CLPB: variants seen among roughly 807,000 people sequenced by gnomAD.
CLPB encodes ClpB family mitochondrial disaggregase, also known as mitochondrial disaggregase.
Under a neutral mutation model 78.4 loss-of-function variants are expected in CLPB, and 40 were observed. The ratio of observed to expected loss-of-function variants is 0.51; its 90% CI spans 0.40 to 0.66. CLPB has a LOEUF of 0.66. CLPB is among the 30% of genes least tolerant of loss of function. CLPB has a pLI of 0.00. For missense variants in CLPB, 780 were observed against 886.9 expected, an observed-to-expected ratio of 0.88 and a Z score of 1.53; for synonymous variants, 333 against 348.0, an observed-to-expected ratio of 0.96 and a Z score of 0.48.
intron 3 of CLPB, among the ~76,000 whole-genome samples, chr11:72,397,437 A>G (rs1855440570): frequency 6.6e-6 from 1 of 152,226 alleles, no homozygotes; most frequent in Admixed American, 6.5e-5. Flanking sequence ...CTTTACCTTT[A>G]TAAGAAACTG....
At chr11:72,385,030 C>T (rs192299549) in intron 3 of CLPB, among the ~76,000 whole-genome samples, 1 of 152,334 alleles carries the variant, frequency 6.6e-6, no homozygotes, top group East Asian at 1.9e-4. Flanking sequence ...TTAAGCTACA[C>T]TTTAGACTAA....
At chr11:72,308,625 T>G in intron 7 of CLPB, 21 bp from the exon 8 acceptor site, 1 of 1,607,656 alleles carries the variant, frequency 6.2e-7, no homozygotes, top group Non-Finnish European at 8.5e-7. Context: ...ACACACAAGA[T>G]CAGGGGACAG....
At chr11:72,432,869 C>T (rs970071230) in intron 1 of CLPB, among the ~76,000 whole-genome samples, 1 of 152,172 alleles carries the variant, frequency 6.6e-6, no homozygotes, top group Non-Finnish European at 1.5e-5. Context: ...CTCCCTACTC[C>T]CCAACTCTTG....
intron 4 of CLPB, among the ~76,000 whole-genome samples, chr11:72,377,250 G>A (rs1234585845): frequency 6.6e-6 from 1 of 152,154 alleles, no homozygotes; most frequent in Admixed American, 6.5e-5. Flanking sequence ...AAATTATCCT[G>A]ACCATGTGCT....
intron 5 of CLPB, among the ~76,000 whole-genome samples, chr11:72,332,301 G>T (rs764642345): frequency 1.6e-4 from 24 of 149,724 alleles, no homozygotes; most frequent in Non-Finnish European, 3.0e-4. Flanking sequence ...TGGCCAACAT[G>T]GTGAAACCCC....
chr11:72,432,967 G>A (rs547557893), intron 1 of CLPB, among the ~76,000 whole-genome samples: 2 of 152,236 alleles, frequency 1.3e-5, no homozygotes, highest in South Asian at 4.1e-4. Context: ...GAACCTGAAT[G>A]GCTGGACTCA....
intron 3 of CLPB, among the ~76,000 whole-genome samples, chr11:72,392,354 T>C (rs758463155): frequency 6.6e-6 from 1 of 151,860 alleles, no homozygotes; most frequent in Non-Finnish European, 1.5e-5. Context: ...GTCAAATGAG[T>C]TGTGGCTCAT....
chr11:72,390,787 G>A (rs1446484039), intron 3 of CLPB, among the ~76,000 whole-genome samples: 2 of 152,186 alleles, frequency 1.3e-5, no homozygotes, highest in East Asian at 3.9e-4. Context: ...CTTACCCTAT[G>A]ACCAAGCACT....
chr11:72,304,884 C>T (rs936695891), intron 9 of CLPB, among the ~76,000 whole-genome samples: 2 of 152,192 alleles, frequency 1.3e-5, no homozygotes, highest in Non-Finnish European at 2.9e-5. Flanking sequence ...ATACATCACT[C>T]TTTGGGTCCC....
At chr11:72,368,505 T>C (rs1179608593) in intron 4 of CLPB, among the ~76,000 whole-genome samples, 1 of 152,216 alleles carries the variant, frequency 6.6e-6, no homozygotes, top group Non-Finnish European at 1.5e-5. Context: ...TTTATTATGC[T>C]TTCTCTTATT....
chr11:72,406,747 A>C (rs1855720671), intron 2 of CLPB, among the ~76,000 whole-genome samples: 1 of 152,192 alleles, frequency 6.6e-6, no homozygotes, highest in South Asian at 2.1e-4. Context: ...AAACATGTGC[A>C]CACACCCACT....
intron 6 of CLPB, among the ~76,000 whole-genome samples, chr11:72,319,728 C>T (rs1438619405): frequency 1.3e-5 from 2 of 152,198 alleles, no homozygotes; most frequent in East Asian, 3.8e-4. Flanking sequence ...TATATAAGTT[C>T]TTAGCAGAGT....
chr11:72,402,868 A>C, intron 3 of CLPB, 98 bp downstream of exon 3: 1 of 932,704 alleles, frequency 1.1e-6, no homozygotes, highest in African/African-American at 1.6e-5. Context: ...CTGCCTCTGG[A>C]AAAGACAGCA....
intron 3 of CLPB, among the ~76,000 whole-genome samples, chr11:72,395,955 T>C (rs1274024250): frequency 6.6e-6 from 1 of 152,190 alleles, no homozygotes; most frequent in Non-Finnish European, 1.5e-5. Flanking sequence ...AGGAAGGCCT[T>C]TAAAACCTCT....
chr11:72,387,740 G>A (rs538070583), intron 3 of CLPB, among the ~76,000 whole-genome samples: 1 of 152,040 alleles, frequency 6.6e-6, no homozygotes, highest in Admixed American at 6.5e-5. Flanking sequence ...AATCTGGGCT[G>A]TGATGGGCAC....
chr11:72,384,080 C>T (rs892124611), intron 3 of CLPB, among the ~76,000 whole-genome samples: 16 of 152,018 alleles, frequency 1.1e-4, no homozygotes, highest in Admixed American at 7.2e-4. Flanking sequence ...CTTGAGCTTG[C>T]GGGGCAGAGA....
At chr11:72,421,577 G>A (rs562112819) in intron 2 of CLPB, among the ~76,000 whole-genome samples, 9 of 152,268 alleles carry the variant, frequency 5.9e-5, no homozygotes, top group African/African-American at 2.2e-4. Context: ...GGAGGCCCCC[G>A]AGGAAACTGA....
At chr11:72,309,725 A>C (rs1021339760) in intron 7 of CLPB, among the ~76,000 whole-genome samples, 4 of 152,182 alleles carry the variant, frequency 2.6e-5, no homozygotes, top group Non-Finnish European at 5.9e-5. Flanking sequence ...GCACTAATGG[A>C]AACACGGCAG....
At chr11:72,368,770 T>C (rs1361673066) in intron 4 of CLPB, among the ~76,000 whole-genome samples, 1 of 152,200 alleles carries the variant, frequency 6.6e-6, no homozygotes, top group Non-Finnish European at 1.5e-5. Context: ...TCAACATGTC[T>C]TTATCCTTTA....
Sources: allele counts gnomAD v4.1 joint callset (sites outside exome capture counted in the v4.1 genomes callset), GRCh38; gene constraint gnomAD v4.1.1; transcripts MANE v1.5; gene names NCBI Gene and HGNC (gene_info 2026-07-23, HGNC 2026-07-21).